The following AGAP1 variants were observed in gnomAD, a reference collection of about 807,000 sequenced individuals.
AGAP1 encodes the protein ArfGAP with GTPase domain, ankyrin repeat and PH domain 1.
AGAP1 carries 29 observed loss-of-function variants against 105.3 expected under a neutral mutation model. The observed-to-expected ratio is 0.28, with a 90% CI of 0.21 to 0.38. The LOEUF (loss-of-function observed/expected upper bound fraction) is 0.38. AGAP1 is among the 10% of genes least tolerant of loss of function. AGAP1 has a pLI of 1.00. For synonymous variants in AGAP1, 509 were observed against 485.9 expected (o/e 1.05, Z -0.63); for missense variants, 998 against 1,165.1 (o/e 0.86, Z 2.09).
chr2:236,066,935 A>T (rs1003772766), intron 16 of AGAP1, among the ~76,000 whole-genome samples: 1 of 152,212 alleles, frequency 6.6e-6, no homozygotes, highest in Non-Finnish European at 1.5e-5. Context: ...ACTATCACTC[A>T]AAAATGTAAT....
chr2:235,816,129 C>G (rs1179552032), intron 9 of AGAP1, among the ~76,000 whole-genome samples: 1 of 152,204 alleles, frequency 6.6e-6, no homozygotes, highest in African/African-American at 2.4e-5. Flanking sequence ...TAGCTATATA[C>G]TCACTTCATT....
In AGAP1 at chr2:236,051,379, G is replaced by A. The variant is rs933457898; in HGVS notation, c.2114+2098G>A. Among the ~76,000 whole-genome samples, 1 of 152,226 alleles carries A rather than the reference G, an allele frequency of 6.6e-6. No individual in the cohort carries two copies. The highest frequency in any genetic ancestry group is 1.5e-5 in the Non-Finnish European group (1 of 68,034). ...CCCTGGTGATTGGTGAAGGCTCTCA[G>A]GGCTGCCTGAGGATGCCAGGGCTCG... On this transcript the variant is annotated intron_variant, in intron 16 of 17. Transcript: ENST00000304032. This position sits in a 1 kb window ranked among gnomAD's most constrained non-coding sequence, Gnocchi z 5.9.
intron 1 of AGAP1, among the ~76,000 whole-genome samples, chr2:235,667,236 C>T (rs1372989707): frequency 6.6e-6 from 1 of 152,118 alleles, no homozygotes; most frequent in Non-Finnish European, 1.5e-5. Context: ...GACAGAACCC[C>T]TGCGTTGTCA....
At chr2:235,768,821 G>A (rs2149832893) in intron 6 of AGAP1, among the ~76,000 whole-genome samples, 1 of 152,332 alleles carries the variant, frequency 6.6e-6, no homozygotes, top group Non-Finnish European at 1.5e-5. Context: ...GATCTGGGCA[G>A]CCATGTGGGC....
intron 12 of AGAP1, among the ~76,000 whole-genome samples, chr2:235,966,278 G>A (rs1291375228): frequency 1.3e-5 from 2 of 148,470 alleles, no homozygotes; most frequent in East Asian, 4.0e-4. Context: ...GGAGAGGGGG[G>A]CCTGTTCCTC....
chr2:235,562,906 A>G (rs1168149041), intron 1 of AGAP1, among the ~76,000 whole-genome samples: 4 of 152,038 alleles, frequency 2.6e-5, no homozygotes, highest in African/African-American at 7.2e-5. Flanking sequence ...AAAAAATACA[A>G]AAAAATTAGC....
rs375367715 is a variant in AGAP1, at chr2:235,566,526, T to C, written c.163+71677T>C. On this transcript the variant is annotated intron_variant, in intron 1 of 17. Coordinates refer to ENST00000304032, the MANE Select transcript of AGAP1 (RefSeq NM_001037131.3). The surrounding 1 kb of genome is among the most constrained non-coding windows in gnomAD (Gnocchi z 5.2). Reference sequence around the variant, plus strand: ...AACAGTGAAAAGCACAAATCATCAGTGCGCCGTACGTTTTGGCCAGCACTT... The same window carrying C: ...AACAGTGAAAAGCACAAATCATCAGCGCGCCGTACGTTTTGGCCAGCACTT... 2.1e-6 allele frequency: 2 copies of C among 965,358 alleles called. No individual in the cohort carries two copies. Among genetic ancestry groups the C allele is most frequent in the African/African-American group, 1.8e-5 (1 of 56,764 alleles). 59.8% of individuals were successfully genotyped at this position (965,358 alleles called of 1,614,324 possible).
At chr2:235,922,869 A>G (rs2052248151) in intron 11 of AGAP1, among the ~76,000 whole-genome samples, 2 of 152,236 alleles carry the variant, frequency 1.3e-5, no homozygotes, top group South Asian at 4.1e-4. Flanking sequence ...GGAGGTAAGT[A>G]CCTTTTCAAA....
intron 1 of AGAP1, among the ~76,000 whole-genome samples, chr2:235,548,115 A>G (rs1409844952): frequency 6.6e-6 from 1 of 152,204 alleles, no homozygotes; most frequent in Non-Finnish European, 1.5e-5. Flanking sequence ...GCAAGAAAAC[A>G]AATGGCACGA....
chr2:235,584,078 C>G (rs752625787), intron 1 of AGAP1, among the ~76,000 whole-genome samples: 3 of 152,012 alleles, frequency 2.0e-5, no homozygotes, highest in Non-Finnish European at 4.4e-5. Context: ...GGCACAGCCT[C>G]CTGGAGAGTG....
intron 1 of AGAP1, among the ~76,000 whole-genome samples, chr2:235,694,357 T>C (rs1236295581): frequency 6.6e-6 from 1 of 151,874 alleles, no homozygotes; most frequent in Non-Finnish European, 1.5e-5. Context: ...CGGGCGCATG[T>C]ATTCCCAGCT....
intron 1 of AGAP1, among the ~76,000 whole-genome samples, chr2:235,686,620 G>GATATATATATATATATATATATAGAT (rs1949416704): frequency 3.5e-5 from 2 of 57,244 alleles, no homozygotes; most frequent in Non-Finnish European, 6.4e-5. Flanking sequence ...TGGAGATATA[G>GATATATATATATATATATATATAGAT]ATATATATAT....
chr2:235,927,952 A>G lies in AGAP1; in HGVS notation c.1325-2813A>G, dbSNP rs967928713. 3.9e-5 allele frequency among the ~76,000 whole-genome samples: 6 copies of G among 152,194 alleles called. No homozygotes were observed. The highest frequency in any genetic ancestry group is 7.3e-5 in the Non-Finnish European group (5 of 68,046). ...CTGTGGACAGATGGCATGCTTAATA[A>G]TGACTTGACAGGGGTCTGATTGGGC... On this transcript the variant is annotated intron_variant, in intron 11 of 17. Transcript: ENST00000304032. The surrounding 1 kb of genome is among the most constrained non-coding windows in gnomAD (Gnocchi z 4.4).
Position 236,121,411 on chromosome 2 carries a change from C to T in AGAP1, c.2370+964C>T, listed in dbSNP as rs2059893874. Among the ~76,000 whole-genome samples the T allele has an allele frequency of 6.6e-6, 1 of 152,154 alleles. No homozygotes were observed. ...CGCCTCCCAGGTTCAAGCAATTCTC[C>T]TGCCTCAGCCTCCCAGGAAGCTGGG... On this transcript the variant is annotated intron_variant, in intron 17 of 17. Transcript: ENST00000304032. The surrounding 1 kb of genome is among the most constrained non-coding windows in gnomAD (Gnocchi z 4.9).
Position 235,923,728 on chromosome 2 carries a change from A to G in AGAP1, c.1325-7037A>G, listed in dbSNP as rs937747170. On this transcript the variant is annotated intron_variant, in intron 11 of 17. Transcript: ENST00000304032. ...TTCCGTTGTGCCGTGATGTACCTAC[A>G]GTGATGGACAGTGCCGTCATTCCCA... Among the ~76,000 whole-genome samples the G allele has an allele frequency of 2.0e-5, 3 of 152,180 alleles. No homozygotes were observed. The East Asian group carries it at 5.8e-4, about 29-fold the overall frequency.
chr2:235,531,034 T>G (rs1318706288), intron 1 of AGAP1, among the ~76,000 whole-genome samples: 2 of 152,210 alleles, frequency 1.3e-5, no homozygotes, highest in African/African-American at 4.8e-5. Flanking sequence ...CACTTCAGTT[T>G]AGAAAGTACA....
chr2:235,894,065 T>C (rs1466937057), intron 10 of AGAP1, among the ~76,000 whole-genome samples: 2 of 152,144 alleles, frequency 1.3e-5, no homozygotes, highest in African/African-American at 2.4e-5. Context: ...AAGCAATCCA[T>C]TTAGAGGCAT....
At chr2:236,091,147 C>T (rs1037918122) in intron 16 of AGAP1, among the ~76,000 whole-genome samples, 6 of 152,240 alleles carry the variant, frequency 3.9e-5, no homozygotes, top group Non-Finnish European at 5.9e-5. Context: ...CATATCTGCA[C>T]GCATTTTTAT....
intron 9 of AGAP1, among the ~76,000 whole-genome samples, chr2:235,848,784 C>T (rs1374482781): frequency 6.6e-6 from 1 of 152,118 alleles, no homozygotes; most frequent in African/African-American, 2.4e-5. Flanking sequence ...TTAACTTTTC[C>T]CCCCAGCTAG....
Sources: gnomAD v4.1 joint callset for allele counts (sites outside exome capture counted in the v4.1 genomes callset) on GRCh38, gnomAD v4.1.1 for gene constraint, Gnocchi (gnomAD v3.1) non-coding constraint, MANE v1.5 for transcripts, NCBI Gene and HGNC (gene_info 2026-07-23, HGNC 2026-07-21) for gene names.